The following RAD54B variants were observed in gnomAD, a reference collection of about 807,000 sequenced individuals.
The protein encoded by RAD54B is DNA repair and recombination protein RAD54B.
RAD54B carries 78 observed loss-of-function variants against 95.8 expected under a neutral mutation model. The observed-to-expected ratio is 0.81, with a 90% CI of 0.68 to 0.98. RAD54B has a LOEUF of 0.98. Among genes scored for constraint, RAD54B ranks in the 50% least tolerant of loss-of-function variants. RAD54B has a pLI of 0.00. For synonymous variants in RAD54B, 328 were observed against 354.9 expected (o/e 0.92, Z 0.85); for missense variants, 957 against 1,056.6 (o/e 0.91, Z 1.31).
intron 5 of RAD54B, among the ~76,000 whole-genome samples, chr8:94,405,896 A>C (rs1413978909): frequency 6.6e-6 from 1 of 152,128 alleles, no homozygotes; most frequent in Non-Finnish European, 1.5e-5. Flanking sequence ...CGATCATTTA[A>C]TATTAACAAC....
At chr8:94,421,556 A>G (rs1811807440) in intron 3 of RAD54B, among the ~76,000 whole-genome samples, 1 of 152,118 alleles carries the variant, frequency 6.6e-6, no homozygotes, top group African/African-American at 2.4e-5. Flanking sequence ...AGACATGTCC[A>G]CATATCTCAT....
chr8:94,409,921 A>G (rs1222199020), intron 4 of RAD54B, among the ~76,000 whole-genome samples: 2 of 152,226 alleles, frequency 1.3e-5, no homozygotes, highest in East Asian at 3.8e-4. Context: ...ATCTAGCCCC[A>G]ATCGACCTTA....
chr8:94,388,574 T>A (rs900204893), intron 10 of RAD54B, among the ~76,000 whole-genome samples: 5 of 152,188 alleles, frequency 3.3e-5, no homozygotes, highest in African/African-American at 7.2e-5. Context: ...GACTTTTTTT[T>A]ATACTTCACA....
intron 7 of RAD54B, among the ~76,000 whole-genome samples, chr8:94,399,866 G>C (rs1007649132): frequency 6.6e-6 from 1 of 152,168 alleles, no homozygotes; most frequent in Admixed American, 6.6e-5. Context: ...GTTCTGGTGA[G>C]AGCCCTCTTC....
rs369036176 is a variant in RAD54B, at chr8:94,383,602, C to T, written c.1986-3196G>A. ...ATTAGTTATTGTTGTTAATCTCTTA[C>T]TGTGCCTAATTTATAACTTTATCAC... is the stretch of plus-strand genomic sequence containing the variant. On this transcript the variant is annotated intron_variant, in intron 11 of 14. Coordinates refer to ENST00000336148, the MANE Select transcript of RAD54B (RefSeq NM_012415.3). Among the ~76,000 whole-genome samples the T allele has an allele frequency of 2.6e-5, 4 of 152,286 alleles. No individual in the cohort carries two copies. In the East Asian group the frequency reaches 7.7e-4, roughly 29 times the overall value.
At chr8:94,426,255 T>C (rs1792778742) in intron 3 of RAD54B, among the ~76,000 whole-genome samples, 1 of 148,086 alleles carries the variant, frequency 6.8e-6, no homozygotes, top group South Asian at 2.2e-4. Context: ...GCCCAGCCTT[T>C]TGCAAAAATT....
intron 1 of RAD54B, among the ~76,000 whole-genome samples, chr8:94,472,269 A>G (rs1813188586): frequency 6.6e-6 from 1 of 152,204 alleles, no homozygotes; most frequent in Non-Finnish European, 1.5e-5. Context: ...TAACTTCATT[A>G]AACTAATTTC....
chr8:94,448,899 T>C (rs1456533437), intron 3 of RAD54B, among the ~76,000 whole-genome samples: 1 of 152,138 alleles, frequency 6.6e-6, no homozygotes. Context: ...ATTAGGTACT[T>C]TGTTAAATAA....
At chr8:94,427,750 G>A (rs2056457316) in intron 3 of RAD54B, 1 of 975,978 alleles carries the variant, frequency 1.0e-6, no homozygotes, top group South Asian at 4.8e-5. Flanking sequence ...AAGAACATGT[G>A]TTAACAAAGC....
intron 3 of RAD54B, among the ~76,000 whole-genome samples, chr8:94,448,586 T>C (rs980253566): frequency 1.3e-5 from 2 of 151,830 alleles, no homozygotes; most frequent in African/African-American, 4.8e-5. Flanking sequence ...AAGGAGACTC[T>C]GTCATTTGCC....
intron 3 of RAD54B, among the ~76,000 whole-genome samples, chr8:94,417,284 C>A (rs1400461923): frequency 6.6e-6 from 1 of 151,984 alleles, no homozygotes; most frequent in African/African-American, 2.4e-5. Flanking sequence ...TAAAAAGTTT[C>A]TTTCTGAGGT....
At chr8:94,420,251 A>G (rs988160781) in intron 3 of RAD54B, among the ~76,000 whole-genome samples, 2 of 117,014 alleles carry the variant, frequency 1.7e-5, no homozygotes, top group South Asian at 6.3e-4. Context: ...AGAAAACTTG[A>G]TTTTTTTTTT....
At chr8:94,395,687 C>T (rs77910365) in intron 8 of RAD54B, among the ~76,000 whole-genome samples, 2,696 of 152,244 alleles carry the variant, frequency 0.018, 68 homozygotes, top group African/African-American at 0.06. Context: ...GAAGTCATCA[C>T]AGAGGGGCTT....
chr8:94,441,694 C>T (rs1176938632), intron 3 of RAD54B, among the ~76,000 whole-genome samples: 1 of 152,208 alleles, frequency 6.6e-6, no homozygotes, highest in African/African-American at 2.4e-5. Context: ...CAGCCTCTCT[C>T]CTCTCCCCAG....
intron 3 of RAD54B, among the ~76,000 whole-genome samples, chr8:94,418,208 T>G (rs1811720674): frequency 6.6e-6 from 1 of 152,212 alleles, no homozygotes; most frequent in South Asian, 2.1e-4. Context: ...CCCTTATTAC[T>G]GGACTTTTTT....
Position 94,399,451 on chromosome 8 carries a change from G to A in RAD54B, c.1341C>T (p.Leu447=). Reference sequence around the variant, plus strand: ...TTCTTTTCTCACAAGAAAGGCTAATGAGGGCTGTAGTTGTCTTAATGGCAC... The same window carrying A: ...TTCTTTTCTCACAAGAAAGGCTAATAAGGGCTGTAGTTGTCTTAATGGCAC... ...KNSAIKTTTA[L]ISLSCEKRII... The change falls in exon 8 of 15, where the codon CTC becomes CTT. Residue 447 remains leucine (L), a synonymous_variant. Transcript: ENST00000336148. 1 of 1,613,570 alleles carries A rather than the reference G, an allele frequency of 6.2e-7. No individual in the cohort carries two copies. The highest frequency in any genetic ancestry group is 1.1e-5 in the South Asian group (1 of 91,064).
At chr8:94,442,303 G>A (rs1045620671) in intron 3 of RAD54B, among the ~76,000 whole-genome samples, 2 of 152,168 alleles carry the variant, frequency 1.3e-5, no homozygotes, top group African/African-American at 4.8e-5. Flanking sequence ...GCTGGGCACG[G>A]TGGCTCACGC....
At chr8:94,458,190 C>A (rs1245602291) in intron 3 of RAD54B, 78 bp downstream of exon 3, 2 of 1,313,830 alleles carry the variant, frequency 1.5e-6, no homozygotes, top group Non-Finnish European at 2.1e-6. Context: ...ATAACATATT[C>A]ATTCTTAAAA....
In RAD54B at chr8:94,399,475, A is replaced by C. The variant is rs779581082; in HGVS notation, c.1317T>G (p.Ser439Arg). 89 of 1,613,544 alleles carry C rather than the reference A, an allele frequency of 5.5e-5. 1 individual carries two copies. The South Asian group carries it at 8.8e-4, about 16-fold the overall frequency. ...TGAGGGCTGTAGTTGTCTTAATGGC[A>C]CTGTTCTTCAAACGATGCCCCTCGT... The part of the protein sequence containing the change: ...ICDEGHRLKN[S>R]AIKTTTALIS... The change falls in exon 8 of 15, where the codon AGT (serine) becomes AGG (arginine). Residue 439 changes from serine to arginine, a missense_variant. Physicochemically the swap from Ser to Arg is moderately radical, Grantham distance 110. Transcript: ENST00000336148.
Sources: allele counts gnomAD v4.1 joint callset (sites outside exome capture counted in the v4.1 genomes callset), GRCh38; gene constraint gnomAD v4.1.1; transcripts MANE v1.5; gene names NCBI Gene and HGNC (gene_info 2026-07-23, HGNC 2026-07-21).